The following TMEM126A variants were observed in gnomAD, a reference collection of about 807,000 sequenced individuals.
TMEM126A encodes optic atrophy 7.
A neutral mutation model predicts 18.3 loss-of-function variants in TMEM126A; 10 were observed. The observed-to-expected ratio is 0.55, with a 90% CI of 0.34 to 0.93. The LOEUF is 0.93. Among genes scored for constraint, TMEM126A ranks in the 40% least tolerant of loss-of-function variants. The pLI is 0.02. For missense variants in TMEM126A, 246 were observed against 230.2 expected (o/e 1.07, Z -0.44); for synonymous variants, 68 against 78.1 (o/e 0.87, Z 0.68).
At chr11:85,651,064 C>T (rs562624375) in intron 2 of TMEM126A, among the ~76,000 whole-genome samples, 12 of 64,998 alleles carry the variant, frequency 1.8e-4, no homozygotes, top group African/African-American at 5.6e-4. Context: ...AGTGAGGATC[C>T]GTCTCAAAAA....
intron 1 of TMEM126A, among the ~76,000 whole-genome samples, chr11:85,648,355 T>C (rs1328276428): frequency 6.6e-6 from 1 of 152,210 alleles, no homozygotes; most frequent in Admixed American, 6.5e-5. Flanking sequence ...CAAATTTGAT[T>C]TTCAGAGGTC....
In TMEM126A at chr11:85,650,488, A is replaced by ACCATTTTG. The variant is rs2082491197; in HGVS notation, c.86+149_86+156dup. 13 of 678,074 alleles carry ACCATTTTG rather than the reference A, an allele frequency of 1.9e-5. 1 individual carries two copies. In the South Asian group the frequency reaches 2.1e-4, roughly 11 times the overall value. 42.0% of individuals were successfully genotyped at this position (678,074 alleles called of 1,614,324 possible). A position where few individuals can be genotyped will look rare whatever the true frequency, so the allele number is the denominator to read the frequency against. On this transcript the variant is annotated intron_variant, in intron 2 of 4. Transcript: ENST00000304511. ...TTTCTTGCCTGGATGAGAGCGTTTAACCATTTTGCTCAACATCACATAGCT... is the reference window on the plus strand; with the variant it reads ...TTTCTTGCCTGGATGAGAGCGTTTAACCATTTTGCCATTTTGCTCAACATCACATAGCT...
intron 2 of TMEM126A, among the ~76,000 whole-genome samples, chr11:85,653,838 G>C (rs1197910859): frequency 6.6e-6 from 1 of 152,208 alleles, no homozygotes; most frequent in Non-Finnish European, 1.5e-5. Flanking sequence ...TTGTGCTAGA[G>C]AGGTTAAGTA....
chr11:85,648,960 C>T lies in TMEM126A; in HGVS notation c.-8+871C>T, dbSNP rs546520194. Among the ~76,000 whole-genome samples the T allele has an allele frequency of 2.0e-4, 29 of 146,092 alleles. No homozygotes were observed. In the East Asian group the frequency reaches 2.8e-3, roughly 14 times the overall value. Reference sequence around the variant, plus strand: ...TGTTTTTTTTTTTTTTTTTGTAGACCGAGTCTCGCTCTCACCCAGGCTGGA... The same window carrying T: ...TGTTTTTTTTTTTTTTTTTGTAGACTGAGTCTCGCTCTCACCCAGGCTGGA... On this transcript the variant is annotated intron_variant, in intron 1 of 4. Transcript: ENST00000304511.
In TMEM126A at chr11:85,656,350, G is replaced by A. The variant is rs372060168; in HGVS notation, c.437G>A (p.Ser146Asn). The part of the protein sequence containing the change: ...ALLPHKGNIL[S>N]YWIRTSKPVF... Reference sequence around the variant, plus strand: ...TTACCACACAAAGGGAACATCTTAAGTTACTGGATTAGAACTTCTAAGCCT... The same window carrying A: ...TTACCACACAAAGGGAACATCTTAAATTACTGGATTAGAACTTCTAAGCCT... Residue 146 changes from serine to asparagine, a missense_variant, in exon 5 of 5, where the codon AGT (serine) becomes AAT (asparagine). Transcript: ENST00000304511. 5.6e-6 allele frequency: 9 copies of A among 1,612,522 alleles called. No homozygotes were observed. The highest frequency in any genetic ancestry group is 7.6e-6 in the Non-Finnish European group (9 of 1,179,586).
At chr11:85,649,197 G>C (rs1228144) in intron 1 of TMEM126A, among the ~76,000 whole-genome samples, 3 of 152,108 alleles carry the variant, frequency 2.0e-5, no homozygotes, top group African/African-American at 7.2e-5. Context: ...GGCCTCCCAA[G>C]GTGCTGGGAT....
At chr11:85,652,461 A>G (rs948487557) in intron 2 of TMEM126A, among the ~76,000 whole-genome samples, 1 of 152,158 alleles carries the variant, frequency 6.6e-6, no homozygotes, top group Non-Finnish European at 1.5e-5. Context: ...AGCTTTCTTA[A>G]TATCAAAAAC....
At chr11:85,649,268 G>A (rs1176896564) in intron 1 of TMEM126A, among the ~76,000 whole-genome samples, 1 of 152,126 alleles carries the variant, frequency 6.6e-6, no homozygotes, top group Non-Finnish European at 1.5e-5. Flanking sequence ...TGAAACCTGA[G>A]CCAAATCTTC....
At position 85,656,346 on chromosome 11, in the gene TMEM126A, T is replaced by A. The variant is rs763871386; in HGVS notation, c.433T>A (p.Leu145Ile). 1 of 1,612,402 alleles carries A rather than the reference T, an allele frequency of 6.2e-7. No homozygotes were observed. Among genetic ancestry groups the A allele is most frequent in the Non-Finnish European group, 8.5e-7 (1 of 1,179,578 alleles). Residue 145 changes from leucine to isoleucine, a missense_variant, in exon 5 of 5, where the codon TTA becomes ATA. Leu to Ile is a conservative substitution (Grantham distance 5, BLOSUM62 2). Transcript: ENST00000304511. ...TCTGTTACCACACAAAGGGAACATC[T>A]TAAGTTACTGGATTAGAACTTCTAA... ...SALLPHKGNILSYWIRTSKPV... is the reference protein window; with the variant it reads ...SALLPHKGNIISYWIRTSKPV...
rs547511651 is a variant in TMEM126A, at chr11:85,654,250, A to G, written c.274A>G (p.Asn92Asp). The G allele has an allele frequency of 3.1e-6, 5 of 1,613,998 alleles. No individual in the cohort carries two copies. In the South Asian group the frequency reaches 4.4e-5, roughly 14 times the overall value. Residue 92 changes from asparagine (N) to aspartate (D), a missense_variant, in exon 3 of 5, where the codon AAT (asparagine) becomes GAT (aspartate). By Grantham distance (23) the Asn-to-Asp change is conservative. Transcript: ENST00000304511. Reference protein sequence around the residue: ...TYRCFVSFPLNTGDLDCETCT... With the variant: ...TYRCFVSFPLDTGDLDCETCT... ...CAGATGTTTTGTAAGTTTTCCTTTG[A>G]ATACAGGTAAATTCTACTTCACTAT...
intron 2 of TMEM126A, among the ~76,000 whole-genome samples, chr11:85,652,926 G>GT (rs1254485260): frequency 6.6e-6 from 1 of 151,526 alleles, no homozygotes. Context: ...AAGTGTTCAA[G>GT]TTTTTTATTC....
chr11:85,656,264 A>T, intron 4 of TMEM126A, 45 bp from the exon 5 acceptor site: 1 of 1,562,896 alleles, frequency 6.4e-7, no homozygotes, highest in Non-Finnish European at 8.8e-7. Flanking sequence ...TTGCCATTTG[A>T]TGCAACAATC....
chr11:85,651,680 G>C (rs2082501018), intron 2 of TMEM126A, among the ~76,000 whole-genome samples: 1 of 152,008 alleles, frequency 6.6e-6, no homozygotes, highest in African/African-American at 2.4e-5. Flanking sequence ...GGATCTCCAA[G>C]GGGAAGAAAA....
chr11:85,655,259 G>A (rs374612755), intron 3 of TMEM126A: 6 of 241,804 alleles, frequency 2.5e-5, no homozygotes, highest in Admixed American at 1.6e-4. Flanking sequence ...AAGACCTATC[G>A]CCCATTTAAT....
intron 1 of TMEM126A, among the ~76,000 whole-genome samples, chr11:85,648,922 G>A (rs1174887637): frequency 1.3e-5 from 2 of 148,564 alleles, no homozygotes; most frequent in Admixed American, 6.7e-5. Flanking sequence ...TTCCTTTGTT[G>A]TTATCCCTGA....
chr11:85,650,339 A>G lies in TMEM126A; in HGVS notation c.84A>G (p.Glu28=). ...SRKINQLPEA[E]RNLLENGSVY... is the part of the protein sequence containing the mutation. ...AAATTAACCAGCTTCCAGAAGCAGA[A>G]AGGTAAGATCCCTTCTTAATTTAAA... is the stretch of plus-strand genomic sequence containing the variant. The change falls in exon 2 of 5, where the codon GAA becomes GAG. Residue 28 remains glutamate (E), a splice_region_variant and synonymous_variant. Transcript: ENST00000304511. 6.3e-7 allele frequency: 1 copy of G among 1,597,600 alleles called. No individual in the cohort carries two copies. Among genetic ancestry groups the G allele is most frequent in the Non-Finnish European group, 8.6e-7 (1 of 1,165,642 alleles).
Position 85,650,355 on chromosome 11 carries a change from T to C in TMEM126A, c.86+14T>C. 1.9e-6 allele frequency: 3 copies of C among 1,570,526 alleles called. No individual in the cohort carries two copies. The highest frequency in any genetic ancestry group is 1.3e-5 in the African/African-American group (1 of 74,118). On this transcript the variant is annotated intron_variant, in intron 2 of 4. Coordinates refer to ENST00000304511, the MANE Select transcript of TMEM126A (RefSeq NM_032273.4). Reference sequence around the variant, plus strand: ...AGAAGCAGAAAGGTAAGATCCCTTCTTAATTTAAAAACACCTTTTATCAGG... The same window carrying C: ...AGAAGCAGAAAGGTAAGATCCCTTCCTAATTTAAAAACACCTTTTATCAGG...
intron 4 of TMEM126A, 99 bp downstream of exon 4, chr11:85,655,807 C>A: frequency 1.3e-6 from 1 of 797,238 alleles, no homozygotes; most frequent in Non-Finnish European, 2.2e-6. Context: ...AGACCAAAGG[C>A]AATGTTACCC....
In TMEM126A at chr11:85,656,185, T is replaced by C. The variant is rs563303379; in HGVS notation, c.396-124T>C. On this transcript the variant is annotated intron_variant, in intron 4 of 4. Coordinates refer to ENST00000304511, the MANE Select transcript of TMEM126A (RefSeq NM_032273.4). Reference sequence around the variant, plus strand: ...AAAAGTTTTTAGGATTAATAGACACTGAAGACCTTTACTTTAATATTCAGT... The same window carrying C: ...AAAAGTTTTTAGGATTAATAGACACCGAAGACCTTTACTTTAATATTCAGT... The C allele has an allele frequency of 1.3e-5, 11 of 879,006 alleles. No homozygotes were observed. The Admixed American group carries it at 1.8e-4, about 14-fold the overall frequency. 54.5% of individuals were successfully genotyped at this position (879,006 alleles called of 1,614,324 possible). A position where few individuals can be genotyped will look rare whatever the true frequency, so the allele number is the denominator to read the frequency against.
Sources: allele counts gnomAD v4.1 joint callset (sites outside exome capture counted in the v4.1 genomes callset), GRCh38; gene constraint gnomAD v4.1.1; transcripts MANE v1.5; gene names NCBI Gene and HGNC (gene_info 2026-07-23, HGNC 2026-07-21).